ZIC3: variants seen among roughly 807,000 people sequenced by gnomAD.
The protein encoded by ZIC3 is Zic family zinc finger 3, also known as zinc finger protein ZIC 3.
ZIC3 carries 6 observed loss-of-function variants against 18.3 expected under a neutral mutation model. The ratio of observed to expected loss-of-function variants is 0.33; its 90% CI spans 0.18 to 0.65. The LOEUF is 0.65. ZIC3 is among the 30% of genes least tolerant of loss of function. The pLI, the probability that ZIC3 is intolerant of heterozygous loss-of-function variation, is 0.75. For missense variants in ZIC3, 260 were observed against 410.0 expected (o/e 0.63, Z 3.16); for synonymous variants, 175 against 177.0 (o/e 0.99, Z 0.09).
intron 1 of ZIC3, among the ~76,000 whole-genome samples, chrX:137,568,507 C>T: frequency 8.9e-6 from 1 of 112,173 alleles, no homozygotes; most frequent in Non-Finnish European, 1.9e-5. Context: ...ATTGTCCTGT[C>T]CGGGGCCCAT....
At position 137,568,904 on chromosome X, in the gene ZIC3, G is replaced by C. The variant is rs763662353; in HGVS notation, c.1063G>C (p.Glu355Gln). Reference sequence around the variant, plus strand: ...CCTTGGGTTTTTGCCTTTTGCAGGTGAGAAACCTTTCAAATGTGAATTTGA... The same window carrying C: ...CCTTGGGTTTTTGCCTTTTGCAGGTCAGAAACCTTTCAAATGTGAATTTGA... Reference protein sequence around the residue: ...LKIHKRTHTGEKPFKCEFEGC... With the variant: ...LKIHKRTHTGQKPFKCEFEGC... Residue 355 changes from glutamate (E) to glutamine (Q), a missense_variant and splice_region_variant, in exon 2 of 3, where the codon GAG (glutamate) becomes CAG (glutamine). Coordinates refer to ENST00000287538, the MANE Select transcript of ZIC3 (RefSeq NM_003413.4). 8.3e-7 allele frequency: 1 copy of C among 1,210,988 alleles called. No homozygotes were observed. Among genetic ancestry groups the C allele is most frequent in the South Asian group, 1.8e-5 (1 of 56,906 alleles).
chrX:137,573,892 G>A (rs957099463), downstream of ZIC3: 2 of 112,822 alleles, frequency 1.8e-5, no homozygotes, highest in Non-Finnish European at 3.8e-5. Context: ...GCTCGGGCGG[G>A]GGGGGAAGGG....
intron 2 of ZIC3, 71 bp from the exon 3 acceptor site, chrX:137,569,820 C>A (rs1931412194): frequency 1.9e-6 from 2 of 1,061,961 alleles, no homozygotes; most frequent in African/African-American, 3.8e-5. Flanking sequence ...TGCTCGAATT[C>A]TGCTCTTGTT....
Position 137,566,730 on chromosome X carries a change from G to A in ZIC3, c.39G>A (p.Gly13=). The change falls in exon 1 of 3, where the codon GGG becomes GGA. Residue 13 remains glycine (G), a synonymous_variant. Coordinates refer to ENST00000287538, the MANE Select transcript of ZIC3 (RefSeq NM_003413.4). ...MLLDGGPQFP[G]LGVGSFGAPR... Reference sequence around the variant, plus strand: ...TGGACGGAGGCCCGCAGTTCCCTGGGCTGGGAGTGGGCAGCTTCGGCGCGC... The same window carrying A: ...TGGACGGAGGCCCGCAGTTCCCTGGACTGGGAGTGGGCAGCTTCGGCGCGC... The A allele has an allele frequency of 8.4e-7, 1 of 1,195,799 alleles. No individual in the cohort carries two copies. Among genetic ancestry groups the A allele is most frequent in the South Asian group, 1.8e-5 (1 of 54,696 alleles).
At chrX:137,573,516 C>T (rs956417691), downstream of ZIC3, among the ~76,000 whole-genome samples, 2 of 112,226 alleles carry the variant, frequency 1.8e-5, no homozygotes, top group African/African-American at 6.5e-5. Flanking sequence ...CCTCCCCCTT[C>T]TCCCTTCTCC....
downstream of ZIC3, among the ~76,000 whole-genome samples, chrX:137,573,149 A>C (rs1350916830): frequency 3.5e-5 from 2 of 57,815 alleles, no homozygotes; most frequent in African/African-American, 6.8e-5. Flanking sequence ...AAAAAAAAAA[A>C]AAAAAAAAAA....
At position 137,566,877 on chromosome X, in the gene ZIC3, G is replaced by T; in HGVS notation, c.186G>T (p.Ala62=). Residue 62 remains alanine, a synonymous_variant, in exon 1 of 3, where the codon GCG becomes GCT. Transcript: ENST00000287538. ...AAAAFKLSPA[A]AHDLSSGQSS... ...CTGCCTTCAAGCTGAGCCCTGCCGC[G>T]GCGCACGATCTATCTTCAGGCCAGA... The T allele has an allele frequency of 8.6e-7, 1 of 1,164,106 alleles. No individual in the cohort carries two copies. The highest frequency in any genetic ancestry group is 1.1e-6 in the Non-Finnish European group (1 of 872,609).
Position 137,571,394 on chromosome X carries a change from TA to T in ZIC3, c.*1325del, listed in dbSNP as rs1931434718. The T allele has an allele frequency of 8.9e-6, 1 of 112,140 alleles. No individual in the cohort carries two copies. Among genetic ancestry groups the T allele is most frequent in the African/African-American group, 3.2e-5 (1 of 30,815 alleles). The allele number at this position is 112,140 out of a possible 1,213,427, so 9.2% of individuals were successfully genotyped here. A position where few individuals can be genotyped will look rare whatever the true frequency, so the allele number is the denominator to read the frequency against. ...TAGCTATCTATATATTTTCAAAAGA[TA>T]GCTTATGTCTAAAACAGTGGTGATG... On this transcript the variant is annotated 3_prime_UTR_variant, in exon 3 of 3. Transcript: ENST00000287538.
Position 137,567,273 on chromosome X carries a change from C to T in ZIC3, c.582C>T (p.Gly194=). 1.7e-6 allele frequency: 2 copies of T among 1,211,453 alleles called. No homozygotes were observed. Among genetic ancestry groups the T allele is most frequent in the Non-Finnish European group, 2.2e-6 (2 of 895,558 alleles). Residue 194 remains glycine (G), a synonymous_variant, in exon 1 of 3, where the codon GGC becomes GGT. Transcript: ENST00000287538. ...TGGGGCTGCGTGGGGAGCTGTTCGG[C>T]CGTGCTGACCCATACCGCCCAGTGG... ...VHLGLRGELF[G]RADPYRPVAS...
downstream of ZIC3, among the ~76,000 whole-genome samples, chrX:137,575,308 G>A (rs758732534): frequency 8.9e-6 from 1 of 111,733 alleles, no homozygotes; most frequent in Non-Finnish European, 1.9e-5. Context: ...ATTTAAACGT[G>A]AGCCTATGAA....
intron 2 of ZIC3, 103 bp downstream of exon 2, chrX:137,569,168 T>G: frequency 1.2e-6 from 1 of 856,977 alleles, no homozygotes; most frequent in Non-Finnish European, 1.6e-6. Context: ...TCTTCCACGT[T>G]AAATCCGATT....
rs909760280 is a variant in ZIC3 at position 137,566,434 on chromosome X, TTTCTCCTCCC to T, written c.-246_-237del. 8.1e-5 allele frequency: 33 copies of T among 407,092 alleles called. No homozygotes were observed. The highest frequency in any genetic ancestry group is 6.4e-4 in the Admixed American group (15 of 23,587). 33.5% of individuals were successfully genotyped at this position (407,092 alleles called of 1,213,427 possible). A position where few individuals can be genotyped will look rare whatever the true frequency, so the allele number is the denominator to read the frequency against. ...GTTAAACCAGATCTAGTCCGAGTCT[TTTCTCCTCCC>T]TTCTCCTCCCTCCTCCTCCCCCCGC... On this transcript the variant is annotated 5_prime_UTR_variant, in exon 1 of 3. Coordinates refer to ENST00000287538, the MANE Select transcript of ZIC3 (RefSeq NM_003413.4).
intron 2 of ZIC3, 132 bp downstream of exon 2, chrX:137,569,197 T>A: frequency 2.3e-6 from 1 of 436,845 alleles, no homozygotes; most frequent in Non-Finnish European, 3.3e-6. Context: ...CAGTGACACC[T>A]TGAACCCATT....
chrX:137,566,474 A>ACCCCCCC lies in ZIC3; in HGVS notation c.-213_-212insCCCCCCC. 7.6e-5 allele frequency: 6 copies of ACCCCCCC among 78,973 alleles called. No individual in the cohort carries two copies. The highest frequency in any genetic ancestry group is 3.9e-4 in the South Asian group (1 of 2,589). 6.5% of individuals were successfully genotyped at this position (78,973 alleles called of 1,213,427 possible). ...CCTCCCTCCTCCTCCCCCCGCCAAC[A>ACCCCCCC]CCCCCTCCCTGCTCTTTCTTCCCCT... On this transcript the variant is annotated 5_prime_UTR_variant, in exon 1 of 3. Coordinates refer to ENST00000287538, the MANE Select transcript of ZIC3 (RefSeq NM_003413.4).
chrX:137,569,089 C>T (rs771995983), intron 2 of ZIC3, 24 bp downstream of exon 2: 1 of 1,207,010 alleles, frequency 8.3e-7, no homozygotes, highest in African/African-American at 1.8e-5. Flanking sequence ...TATTAGCGGT[C>T]GGCGGTTTGT....
downstream of ZIC3, among the ~76,000 whole-genome samples, chrX:137,573,435 G>T (rs898484064): frequency 5.4e-4 from 60 of 111,622 alleles, no homozygotes; most frequent in African/African-American, 1.9e-3. Context: ...ACTAAAGTTG[G>T]ACATGAGTGA....
chrX:137,574,591 G>A (rs1931489122), downstream of ZIC3, among the ~76,000 whole-genome samples: 1 of 112,813 alleles, frequency 8.9e-6, no homozygotes, highest in Non-Finnish European at 1.9e-5. Context: ...CCCTGCCCGC[G>A]CCGCGCGCAG....
rs1460797295 is a variant in ZIC3 at position 137,570,684 on chromosome X, A to T, written c.*614A>T. ...TTTTTTTGTAAATACATATCCATTG[A>T]TGCCATATTTATCGTTTGTAATTTA... On this transcript the variant is annotated 3_prime_UTR_variant, in exon 3 of 3. Transcript: ENST00000287538. The T allele has an allele frequency of 8.8e-6, 1 of 113,290 alleles. No individual in the cohort carries two copies. The highest frequency in any genetic ancestry group is 1.9e-5 in the Non-Finnish European group (1 of 53,697). The allele number at this position is 113,290 out of a possible 1,213,427, so 9.3% of individuals were successfully genotyped here. A position where few individuals can be genotyped will look rare whatever the true frequency, so the allele number is the denominator to read the frequency against.
At chrX:137,574,296 G>A (rs1381438854), downstream of ZIC3, among the ~76,000 whole-genome samples, 4 of 113,536 alleles carry the variant, frequency 3.5e-5, no homozygotes, top group Non-Finnish European at 3.8e-5. Context: ...TTTTCGCAGC[G>A]CCTGGGATAG....
Sources: gnomAD v4.1 joint callset for allele counts (sites outside exome capture counted in the v4.1 genomes callset) on GRCh38, gnomAD v4.1.1 for gene constraint, MANE v1.5 for transcripts, NCBI Gene and HGNC (gene_info 2026-07-23, HGNC 2026-07-21) for gene names.